SH3PXD2B: variants seen among roughly 807,000 people sequenced by gnomAD.
SH3PXD2B encodes the protein SH3 and PX domains 2B.
Under a neutral mutation model 73.1 loss-of-function variants are expected in SH3PXD2B, and 37 were observed. That is an observed-to-expected ratio of 0.51 (90% CI 0.39 to 0.67). SH3PXD2B has a LOEUF of 0.67. Among genes scored for constraint, SH3PXD2B ranks in the 30% least tolerant of loss-of-function variants. The pLI, the probability that SH3PXD2B is intolerant of heterozygous loss-of-function variation, is 0.00. For missense variants in SH3PXD2B, 1,053 were observed against 1,197.8 expected (o/e 0.88, Z 1.78); for synonymous variants, 457 against 480.5 (o/e 0.95, Z 0.64).
intron 3 of SH3PXD2B, 97 bp downstream of exon 3, chr5:172,406,180 C>T: frequency 7.5e-7 from 1 of 1,339,156 alleles, no homozygotes; most frequent in South Asian, 1.2e-5. Flanking sequence ...ATGGTGTCCC[C>T]TGATAAAGGA....
At chr5:172,413,802 T>C (rs188306063) in intron 2 of SH3PXD2B, among the ~76,000 whole-genome samples, 124 of 152,380 alleles carry the variant, frequency 8.1e-4, no homozygotes, top group African/African-American at 2.8e-3. Context: ...GGGAAAACTA[T>C]TCCATTTAAG....
rs151049046 is a variant in SH3PXD2B, at chr5:172,325,515, A to G, written c.1189-135T>C. 44 of 611,734 alleles carry G rather than the reference A, an allele frequency of 7.2e-5. No homozygotes were observed. In the East Asian group the frequency reaches 1.2e-3, roughly 17 times the overall value. 37.9% of individuals were successfully genotyped at this position (611,734 alleles called of 1,614,324 possible). ...AGTAATTTATAAAGAACAGGGATTT[A>G]TTTCTCACAGTTCTAGGGTCTAGGA... On this transcript the variant is annotated intron_variant, in intron 12 of 12. Transcript: ENST00000519643.
intron 9 of SH3PXD2B, among the ~76,000 whole-genome samples, chr5:172,352,875 T>C (rs767555424): frequency 6.6e-6 from 1 of 152,160 alleles, no homozygotes; most frequent in Non-Finnish European, 1.5e-5. Flanking sequence ...ATCGGCAGCA[T>C]GAAAATAGAC....
At chr5:172,448,209 C>T (rs539930588) in intron 1 of SH3PXD2B, among the ~76,000 whole-genome samples, 4 of 152,302 alleles carry the variant, frequency 2.6e-5, no homozygotes, top group South Asian at 2.1e-4. Flanking sequence ...GGCAGGTATC[C>T]CCCAGAATGC....
intron 3 of SH3PXD2B, among the ~76,000 whole-genome samples, chr5:172,401,184 C>T (rs1758414135): frequency 6.6e-6 from 1 of 152,208 alleles, no homozygotes; most frequent in African/African-American, 2.4e-5. Context: ...GAGTCTCGAA[C>T]ATCACATTCA....
intron 9 of SH3PXD2B, among the ~76,000 whole-genome samples, chr5:172,352,433 C>T (rs775692492): frequency 6.6e-6 from 1 of 152,102 alleles, no homozygotes; most frequent in Admixed American, 6.5e-5. Context: ...TGCTATGTTG[C>T]CCGGGCTGGT....
intron 12 of SH3PXD2B, among the ~76,000 whole-genome samples, chr5:172,325,934 T>C (rs549138793): frequency 1.3e-5 from 2 of 152,340 alleles, no homozygotes; most frequent in East Asian, 3.9e-4. Flanking sequence ...ATTACAGGCA[T>C]ATGCCGCCAG....
intron 10 of SH3PXD2B, among the ~76,000 whole-genome samples, chr5:172,348,667 C>CTATCTATCTTATCT (rs1561896723): frequency 7.2e-4 from 19 of 26,318 alleles, no homozygotes; most frequent in South Asian, 3.3e-3. Context: ...ATCTATCTAT[C>CTATCTATCTTATCT]TATCTATCTA....
intron 1 of SH3PXD2B, among the ~76,000 whole-genome samples, chr5:172,450,243 A>C (rs61118926): frequency 6.6e-6 from 1 of 151,704 alleles, no homozygotes; most frequent in South Asian, 2.1e-4. Flanking sequence ...AAAAAATCCT[A>C]TCTATTAGTC....
chr5:172,359,732 C>T (rs1221373186), intron 7 of SH3PXD2B, among the ~76,000 whole-genome samples: 4 of 152,102 alleles, frequency 2.6e-5, no homozygotes, highest in African/African-American at 7.2e-5. Context: ...TGTCTGTGTT[C>T]GAATCCCTCA....
At chr5:172,452,660 G>A (rs1263863007) in intron 1 of SH3PXD2B, among the ~76,000 whole-genome samples, 1 of 152,194 alleles carries the variant, frequency 6.6e-6, no homozygotes, top group Non-Finnish European at 1.5e-5. Context: ...GGGCCTCGGT[G>A]GCAGTATCTA....
At chr5:172,362,710 A>T in intron 7 of SH3PXD2B, 25 bp downstream of exon 7, 1 of 1,613,844 alleles carries the variant, frequency 6.2e-7, no homozygotes, top group Non-Finnish European at 8.5e-7. Context: ...GGGTAGTGGG[A>T]GAGGGAGATG....
At chr5:172,376,025 A>ATTT (rs1757813640) in intron 5 of SH3PXD2B, among the ~76,000 whole-genome samples, 1 of 145,880 alleles carries the variant, frequency 6.9e-6, no homozygotes, top group Non-Finnish European at 1.5e-5. Flanking sequence ...CTTGTCATGT[A>ATTT]TCTTCTTTTT....
At chr5:172,368,853 GTA>G (rs539925954) in intron 6 of SH3PXD2B, among the ~76,000 whole-genome samples, 46 of 123,288 alleles carry the variant, frequency 3.7e-4, no homozygotes, top group East Asian at 1.1e-3. Context: ...ATAATATATA[GTA>G]TATATATATG....
rs1757622273 is a variant in SH3PXD2B at position 172,368,675 on chromosome 5, A to ATATATATGTTATATATATATAT, written c.427+5114_427+5115insATATATATATATAACATATATA. On this transcript the variant is annotated intron_variant, in intron 6 of 12. Coordinates refer to ENST00000311601, the MANE Select transcript of SH3PXD2B (RefSeq NM_001017995.3). ...AAAATATATATATTATATATATATA[A>ATATATATGTTATATATATATAT]AATATATATGTTATATATATAAAAT... Among the ~76,000 whole-genome samples the ATATATATGTTATATATATATAT allele has an allele frequency of 8.0e-5, 2 of 24,892 alleles. 1 individual carries two copies. The highest frequency in any genetic ancestry group is 5.1e-4 in the African/African-American group (2 of 3,944). 16.3% of individuals were successfully genotyped at this position (24,892 alleles called of 152,430 possible).
At chr5:172,370,894 C>A (rs1323366278) in intron 6 of SH3PXD2B, among the ~76,000 whole-genome samples, 1 of 152,142 alleles carries the variant, frequency 6.6e-6, no homozygotes, top group African/African-American at 2.4e-5. Context: ...ATAATAATTG[C>A]AATCTCTAAA....
chr5:172,442,627 T>C (rs953765728), intron 1 of SH3PXD2B, among the ~76,000 whole-genome samples: 1 of 152,234 alleles, frequency 6.6e-6, no homozygotes, highest in Non-Finnish European at 1.5e-5. Flanking sequence ...TGTTTCTTAA[T>C]ATGTGGTCAT....
rs1179620970 is a variant in SH3PXD2B, at chr5:172,369,229, TTTTG to T, written c.427+4557_427+4560del. 1.3e-4 allele frequency among the ~76,000 whole-genome samples: 20 copies of T among 150,486 alleles called. 1 individual carries two copies. The highest frequency in any genetic ancestry group is 2.2e-4 in the African/African-American group (9 of 40,818). ...TATGTATTTTTTTTGTTTTGTTTTGTTTTGTTTGTTTTGTTTTTTTTTTAAATAT... is the reference window on the plus strand; with the variant it reads ...TATGTATTTTTTTTGTTTTGTTTTGTTTTGTTTTGTTTTTTTTTTAAATAT... On this transcript the variant is annotated intron_variant, in intron 6 of 12. Coordinates refer to ENST00000311601, the MANE Select transcript of SH3PXD2B (RefSeq NM_001017995.3).
chr5:172,396,198 C>CAAA (rs571850981), intron 3 of SH3PXD2B, among the ~76,000 whole-genome samples: 2 of 78,408 alleles, frequency 2.6e-5, no homozygotes, highest in African/African-American at 5.4e-5. Flanking sequence ...ACTAAAAATA[C>CAAA]AAAAAAAAAA....
Sources: allele counts gnomAD v4.1 joint callset (sites outside exome capture counted in the v4.1 genomes callset), GRCh38; gene constraint gnomAD v4.1.1; transcripts MANE v1.5; gene names NCBI Gene and HGNC (gene_info 2026-07-23, HGNC 2026-07-21).